Variants in ARID1A observed in about 807,000 individuals in gnomAD.
The protein encoded by ARID1A is AT-rich interaction domain 1A, also known as AT-rich interactive domain-containing protein 1A.
ARID1A carries 20 observed loss-of-function variants against 212.6 expected under a neutral mutation model. That is an observed-to-expected ratio of 0.09 (90% confidence interval 0.07 to 0.14). ARID1A has a LOEUF of 0.14. Among genes scored for constraint, ARID1A ranks in the 10% least tolerant of loss-of-function variants. ARID1A has a pLI of 1.00. For missense variants in ARID1A, 2,587 were observed against 3,059.0 expected (o/e 0.85, Z 3.64); for synonymous variants, 1,376 against 1,222.1 (o/e 1.13, Z -2.63).
At chr1:26,707,842 A>G (rs1273314097) in intron 1 of ARID1A, among the ~76,000 whole-genome samples, 1 of 152,198 alleles carries the variant, frequency 6.6e-6, no homozygotes, top group Non-Finnish European at 1.5e-5. Flanking sequence ...AATAGCTGGT[A>G]AAAGGTAGAG....
chr1:26,742,644 C>T (rs2080798757), intron 4 of ARID1A, among the ~76,000 whole-genome samples: 1 of 152,086 alleles, frequency 6.6e-6, no homozygotes, highest in African/African-American at 2.4e-5. Context: ...CACAGAGACC[C>T]TGAGAGCTGA....
chr1:26,775,295 T>C (rs2081124838), intron 18 of ARID1A, 75 bp downstream of exon 18: 1 of 1,502,020 alleles, frequency 6.7e-7, no homozygotes, highest in Non-Finnish European at 8.8e-7. Flanking sequence ...CACCTTACTA[T>C]TCTGGATGAG....
intron 4 of ARID1A, among the ~76,000 whole-genome samples, chr1:26,740,687 T>G (rs2080779763): frequency 6.6e-6 from 1 of 152,214 alleles, no homozygotes; most frequent in South Asian, 2.1e-4. Context: ...AACTAATGTT[T>G]TACAAAAATG....
intron 1 of ARID1A, among the ~76,000 whole-genome samples, chr1:26,717,577 T>C (rs2080515335): frequency 6.6e-6 from 1 of 152,230 alleles, no homozygotes; most frequent in African/African-American, 2.4e-5. Flanking sequence ...GTTCTACAAA[T>C]TTCCAAGCTC....
At chr1:26,713,643 C>T (rs867760609) in intron 1 of ARID1A, among the ~76,000 whole-genome samples, 5 of 152,020 alleles carry the variant, frequency 3.3e-5, no homozygotes, top group Non-Finnish European at 7.4e-5. Context: ...TACAGGCGTG[C>T]GCCCAGCCTG....
At chr1:26,743,568 G>A (rs2080808291) in intron 4 of ARID1A, among the ~76,000 whole-genome samples, 1 of 151,902 alleles carries the variant, frequency 6.6e-6, no homozygotes, top group South Asian at 2.1e-4. Flanking sequence ...GGGCACGGTG[G>A]CTCACACCTA....
chr1:26,721,946 T>C (rs1322008850), intron 1 of ARID1A, among the ~76,000 whole-genome samples: 2 of 152,198 alleles, frequency 1.3e-5, no homozygotes, highest in African/African-American at 4.8e-5. Context: ...TTTGGTCTCC[T>C]TCTTCTAACC....
At chr1:26,737,094 GC>G (rs1021126920) in intron 4 of ARID1A, among the ~76,000 whole-genome samples, 2 of 151,884 alleles carry the variant, frequency 1.3e-5, no homozygotes, top group African/African-American at 4.8e-5. Flanking sequence ...TTTTGCCAAT[GC>G]CCTCTACCTG....
intron 1 of ARID1A, among the ~76,000 whole-genome samples, chr1:26,700,205 C>T (rs1183543657): frequency 6.6e-6 from 1 of 152,202 alleles, no homozygotes; most frequent in African/African-American, 2.4e-5. Context: ...CTCTTTGCTA[C>T]TTGATAAACC....
At chr1:26,743,970 C>T (rs2080813396) in intron 4 of ARID1A, among the ~76,000 whole-genome samples, 1 of 152,080 alleles carries the variant, frequency 6.6e-6, no homozygotes, top group Non-Finnish European at 1.5e-5. Flanking sequence ...GAAGCAGGGT[C>T]TTTCTGAGGT....
chr1:26,747,684 CAAA>C (rs36091006), intron 4 of ARID1A, among the ~76,000 whole-genome samples: 6 of 124,414 alleles, frequency 4.8e-5, no homozygotes, highest in East Asian at 2.3e-4. Context: ...CCATCTCTAC[CAAA>C]AAAAAAAAAA....
chr1:26,753,956 G>A (rs1226896452), intron 4 of ARID1A, among the ~76,000 whole-genome samples: 3 of 152,068 alleles, frequency 2.0e-5, no homozygotes, highest in African/African-American at 7.2e-5. Flanking sequence ...ACAGGCACAC[G>A]CCACCACGCC....
chr1:26,738,095 T>C (rs1420569771), intron 4 of ARID1A, among the ~76,000 whole-genome samples: 1 of 150,968 alleles, frequency 6.6e-6, no homozygotes, highest in Non-Finnish European at 1.5e-5. Context: ...ACAATCGCAG[T>C]TCACAACAAC....
intron 1 of ARID1A, among the ~76,000 whole-genome samples, chr1:26,708,590 T>C (rs1446855032): frequency 6.6e-6 from 1 of 151,818 alleles, no homozygotes; most frequent in Non-Finnish European, 1.5e-5. Flanking sequence ...AGCCAGAGTC[T>C]TTCACTTTGA....
intron 1 of ARID1A, among the ~76,000 whole-genome samples, chr1:26,700,763 C>T (rs754754827): frequency 4.6e-5 from 7 of 152,202 alleles, no homozygotes; most frequent in Non-Finnish European, 7.3e-5. Flanking sequence ...TGCCTACTGG[C>T]AGAAATTCTA....
chr1:26,735,585 C>T (rs2080721827), intron 4 of ARID1A, among the ~76,000 whole-genome samples: 1 of 152,236 alleles, frequency 6.6e-6, no homozygotes, highest in African/African-American at 2.4e-5. Flanking sequence ...AGCCACCTCA[C>T]CCGGCCTGAA....
At chr1:26,697,833 G>A (rs1160555479) in intron 1 of ARID1A, among the ~76,000 whole-genome samples, 1 of 135,748 alleles carries the variant, frequency 7.4e-6, no homozygotes, top group East Asian at 2.5e-4. Context: ...AGTGTGCGGG[G>A]AAGGGCCTGG....
chr1:26,762,662 A>G (rs1221448314), intron 7 of ARID1A, among the ~76,000 whole-genome samples: 1 of 152,218 alleles, frequency 6.6e-6, no homozygotes, highest in East Asian at 1.9e-4. Flanking sequence ...AATGGAATAG[A>G]TCTTTGCTCA....
intron 11 of ARID1A, 144 bp from the exon 12 acceptor site, chr1:26,770,975 C>A: frequency 1.4e-6 from 1 of 702,504 alleles, no homozygotes; most frequent in Non-Finnish European, 2.4e-6. Context: ...GTGGACTATC[C>A]ACCAAGCAAG....
Sources: gnomAD v4.1 joint callset for allele counts (sites outside exome capture counted in the v4.1 genomes callset) on GRCh38, gnomAD v4.1.1 for gene constraint, MANE v1.5 for transcripts, NCBI Gene and HGNC (gene_info 2026-07-23, HGNC 2026-07-21) for gene names.